Variants in RAB12 observed in about 807,000 individuals in gnomAD.
The protein encoded by RAB12 is ras-related protein Rab-12.
RAB12 carries 11 observed loss-of-function variants against 28.4 expected under a neutral mutation model. The observed-to-expected ratio is 0.39, with a 90% CI of 0.24 to 0.64. RAB12 has a LOEUF of 0.64. Ranked by LOEUF, RAB12 falls within the 30% of genes least tolerant of loss-of-function variation. The pLI, the probability that RAB12 is intolerant of heterozygous loss-of-function variation, is 0.50. For missense variants in RAB12, 276 were observed against 351.1 expected, an observed-to-expected ratio of 0.79 and a Z score of 1.71; for synonymous variants, 138 against 145.3, an observed-to-expected ratio of 0.95 and a Z score of 0.36.
At position 8,635,577 on chromosome 18, in the gene RAB12, G is replaced by A. The variant is rs1408962228; in HGVS notation, c.759G>A (p.Leu253=). ...AGCTTCTCTTAGTTGGAAATAAGTT[G>A]GACTGTGAAACGGACAGAGAAATCA... ...DAELLLVGNK[L]DCETDREITR... is the part of the protein sequence containing the mutation. The change falls in exon 4 of 6, where the codon TTG becomes TTA. Residue 253 remains leucine (L), a synonymous_variant. Transcript: ENST00000649141. 5 of 1,612,708 alleles carry A rather than the reference G, an allele frequency of 3.1e-6. No homozygotes were observed. Among genetic ancestry groups the A allele is most frequent in the East Asian group, 2.2e-5 (1 of 44,828 alleles).
At chr18:8,618,476 G>A (rs1331725256) in intron 1 of RAB12, among the ~76,000 whole-genome samples, 1 of 151,846 alleles carries the variant, frequency 6.6e-6, no homozygotes, top group Non-Finnish European at 1.5e-5. Context: ...TCACAAGACA[G>A]GTCTACTAGC....
Position 8,621,850 on chromosome 18 carries a change from C to A in RAB12, c.515-3088C>A, listed in dbSNP as rs1003185432. 4.6e-4 allele frequency among the ~76,000 whole-genome samples: 70 copies of A among 152,172 alleles called. 1 individual carries two copies. Among genetic ancestry groups the A allele is most frequent in the Admixed American group, 2.6e-3 (39 of 15,288 alleles). On this transcript the variant is annotated intron_variant, in intron 1 of 5. Coordinates refer to ENST00000649141, the MANE Select transcript of RAB12 (RefSeq NM_001025300.3). Reference sequence around the variant, plus strand: ...ACTCAATGCTAAAACAGGTTCTTAGCCCTATTTACTGTCGGGTAATCTTTG... The same window carrying A: ...ACTCAATGCTAAAACAGGTTCTTAGACCTATTTACTGTCGGGTAATCTTTG...
At chr18:8,630,288 G>A (rs75139753) in intron 2 of RAB12, among the ~76,000 whole-genome samples, 1 of 152,292 alleles carries the variant, frequency 6.6e-6, no homozygotes, top group East Asian at 1.9e-4. Flanking sequence ...CAGCTCAAAG[G>A]GGCTGGGGCT....
intron 1 of RAB12, among the ~76,000 whole-genome samples, chr18:8,613,492 T>C (rs2096004994): frequency 6.6e-6 from 1 of 152,216 alleles, no homozygotes; most frequent in Non-Finnish European, 1.5e-5. Context: ...TGCCGAATTC[T>C]TGATCTTGGT....
At chr18:8,624,002 G>A (rs1371706106) in intron 1 of RAB12, among the ~76,000 whole-genome samples, 2 of 152,250 alleles carry the variant, frequency 1.3e-5, no homozygotes, top group Non-Finnish European at 2.9e-5. Context: ...CCAGAGACGG[G>A]CAGTCAGGGG....
intron 2 of RAB12, among the ~76,000 whole-genome samples, chr18:8,632,282 CAAAAAAAAA>C (rs397859076): frequency 6.8e-5 from 4 of 58,804 alleles, no homozygotes; most frequent in Non-Finnish European, 1.5e-4. Context: ...ACTCTGTCTC[CAAAAAAAAA>C]AAAAAAAAAA....
intron 1 of RAB12, among the ~76,000 whole-genome samples, chr18:8,620,778 A>G (rs2096009482): frequency 6.6e-6 from 1 of 152,158 alleles, no homozygotes; most frequent in African/African-American, 2.4e-5. Flanking sequence ...CGGGGAGGCC[A>G]GCAAAGAAGG....
At chr18:8,636,049 T>G (rs1176900428) in intron 4 of RAB12, 2 of 547,392 alleles carry the variant, frequency 3.7e-6, no homozygotes, top group African/African-American at 3.8e-5. Flanking sequence ...CGGCATCACC[T>G]TCAGGATTTT....
chr18:8,633,934 G>C (rs1023544458), intron 3 of RAB12, among the ~76,000 whole-genome samples: 1 of 152,200 alleles, frequency 6.6e-6, no homozygotes, highest in African/African-American at 2.4e-5. Context: ...GCAGTTGGGA[G>C]TGGGATGTGA....
intron 2 of RAB12, among the ~76,000 whole-genome samples, chr18:8,626,758 C>T (rs938310346): frequency 4.6e-5 from 7 of 152,232 alleles, no homozygotes; most frequent in Non-Finnish European, 7.3e-5. Context: ...CTCCAAATGA[C>T]CCCTCTCCCT....
chr18:8,616,199 G>A (rs1466473083), intron 1 of RAB12, among the ~76,000 whole-genome samples: 3 of 152,110 alleles, frequency 2.0e-5, no homozygotes, highest in African/African-American at 7.2e-5. Flanking sequence ...CCTTTTCAGA[G>A]AGGAGGTGAG....
chr18:8,624,836 T>G, intron 1 of RAB12, 102 bp from the exon 2 acceptor site: 1 of 813,942 alleles, frequency 1.2e-6, no homozygotes, highest in East Asian at 2.5e-5. Context: ...TGGGGTTTTC[T>G]TTTTTTCTGA....
intron 5 of RAB12, among the ~76,000 whole-genome samples, chr18:8,637,621 C>G (rs1217199200): frequency 3.3e-5 from 5 of 152,048 alleles, no homozygotes; most frequent in South Asian, 2.1e-4. Flanking sequence ...ACAGTTGACC[C>G]TTGAACAACA....
chr18:8,632,193 G>A (rs1333419455), intron 2 of RAB12, among the ~76,000 whole-genome samples: 3 of 150,808 alleles, frequency 2.0e-5, no homozygotes, highest in Non-Finnish European at 2.9e-5. Flanking sequence ...CAGGAGAATC[G>A]CTTGAACTCG....
At chr18:8,632,411 C>T (rs2096016554) in intron 2 of RAB12, among the ~76,000 whole-genome samples, 1 of 152,108 alleles carries the variant, frequency 6.6e-6, no homozygotes. Flanking sequence ...TGAGGAGCTT[C>T]CAGTGGCCGG....
intron 1 of RAB12, among the ~76,000 whole-genome samples, chr18:8,620,728 G>A (rs568336946): frequency 6.6e-5 from 10 of 152,302 alleles, no homozygotes; most frequent in Non-Finnish European, 1.2e-4. Flanking sequence ...TTAGGGGGCT[G>A]AAGATGACTA....
Position 8,609,688 on chromosome 18 carries a change from C to CGGCGGCG in RAB12, c.260_266dup (p.Glu90AlafsTer87), listed in dbSNP as rs1256355619. The CGGCGGCG allele has an allele frequency of 1.1e-5, 10 of 936,216 alleles. No individual in the cohort carries two copies. The highest frequency in any genetic ancestry group is 5.4e-5 in the African/African-American group (3 of 55,476). 58.0% of individuals were successfully genotyped at this position (936,216 alleles called of 1,614,324 possible). A position where few individuals can be genotyped will look rare whatever the true frequency, so the allele number is the denominator to read the frequency against. ...CCGGGGCGCGCAGCCGGGGGGCGGG[C>CGGCGGCG]GGCGGCGGGCGGCGGGCCGAGCGGG... On this transcript the variant is annotated frameshift_variant, in exon 1 of 6. Transcript: ENST00000649141. LOFTEE classifies it high-confidence loss of function.
At chr18:8,610,926 T>C (rs2096003437) in intron 1 of RAB12, among the ~76,000 whole-genome samples, 2 of 152,210 alleles carry the variant, frequency 1.3e-5, no homozygotes, top group African/African-American at 4.8e-5. Context: ...AATAGTGTTA[T>C]AACCAGTGGT....
At chr18:8,618,110 C>T (rs12959567) in intron 1 of RAB12, among the ~76,000 whole-genome samples, 297 of 152,266 alleles carry the variant, frequency 2.0e-3, no homozygotes, top group Non-Finnish European at 3.2e-3. Flanking sequence ...CCCAGGACCT[C>T]CAACTGTCCC....
Sources: allele counts gnomAD v4.1 joint callset (sites outside exome capture counted in the v4.1 genomes callset), GRCh38; gene constraint gnomAD v4.1.1; transcripts MANE v1.5; gene names NCBI Gene and HGNC (gene_info 2026-07-23, HGNC 2026-07-21).